The following G3BP1 variants were observed in gnomAD, a reference collection of about 807,000 sequenced individuals.
G3BP1 encodes ras GTPase-activating protein-binding protein 1.
A neutral mutation model predicts 58.6 loss-of-function variants in G3BP1; 35 were observed. The ratio of observed to expected loss-of-function variants is 0.60; its 90% CI spans 0.46 to 0.79. The LOEUF (loss-of-function observed/expected upper bound fraction) is 0.79, where lower values mean the gene tolerates loss of function less well. G3BP1 is among the 30% of genes least tolerant of loss of function. G3BP1 has a pLI of 0.00. For missense variants in G3BP1, 523 were observed against 580.8 expected, an observed-to-expected ratio of 0.90 and a Z score of 1.02; for synonymous variants, 191 against 195.4, an observed-to-expected ratio of 0.98 and a Z score of 0.19.
intron 1 of G3BP1, among the ~76,000 whole-genome samples, chr5:151,783,107 T>A (rs1185547217): frequency 6.6e-6 from 1 of 152,118 alleles, no homozygotes; most frequent in Non-Finnish European, 1.5e-5. Context: ...TCCGCCTGCC[T>A]TGGTGTCCCA....
chr5:151,788,649 C>T (rs762177365), intron 2 of G3BP1, among the ~76,000 whole-genome samples: 2 of 149,314 alleles, frequency 1.3e-5, no homozygotes, highest in Admixed American at 1.3e-4. Context: ...GGTGGAGTCT[C>T]GCTCTGTCAC....
At chr5:151,778,950 G>A (rs1424270104) in intron 1 of G3BP1, among the ~76,000 whole-genome samples, 1 of 151,964 alleles carries the variant, frequency 6.6e-6, no homozygotes, top group African/African-American at 2.4e-5. Context: ...CCAGCTGCTT[G>A]AGAAACTGAG....
chr5:151,794,331 T>G, intron 5 of G3BP1, 82 bp downstream of exon 5: 1 of 761,600 alleles, frequency 1.3e-6, no homozygotes, highest in Non-Finnish European at 2.3e-6. Context: ...ATGGGTTTCT[T>G]TACTGTTTTC....
chr5:151,791,329 G>A, intron 4 of G3BP1: 1 of 270,798 alleles, frequency 3.7e-6, no homozygotes, highest in East Asian at 6.8e-5. Flanking sequence ...TTCAGGAAAT[G>A]TTGATGCAAT....
rs980882857 is a variant in G3BP1, at chr5:151,805,503, A to G, written c.*1412A>G. On this transcript the variant is annotated 3_prime_UTR_variant, in exon 12 of 12. Coordinates refer to ENST00000356245, the MANE Select transcript of G3BP1 (RefSeq NM_005754.3). Reference sequence around the variant, plus strand: ...GAAGGGCAACCAGGTTGTAAAATTCAGCGTATTTATTTTCTTAACAGTATT... The same window carrying G: ...GAAGGGCAACCAGGTTGTAAAATTCGGCGTATTTATTTTCTTAACAGTATT... 10 of 152,250 alleles carry G rather than the reference A, an allele frequency of 6.6e-5. No individual in the cohort carries two copies. Among genetic ancestry groups the G allele is most frequent in the African/African-American group, 2.2e-4 (9 of 41,466 alleles). The allele number at this position is 152,250 out of a possible 1,614,324, so 9.4% of individuals were successfully genotyped here. A position where few individuals can be genotyped will look rare whatever the true frequency, so the allele number is the denominator to read the frequency against.
intron 1 of G3BP1, among the ~76,000 whole-genome samples, chr5:151,774,783 G>A (rs751154240): frequency 7.3e-5 from 11 of 151,718 alleles, no homozygotes; most frequent in Non-Finnish European, 1.2e-4. Context: ...AAAAATCTCT[G>A]GTAGTGCAGT....
Position 151,808,853 on chromosome 5 carries a change from T to G in G3BP1, c.*4762T>G, listed in dbSNP as rs542681520. The G allele has an allele frequency of 3.5e-4, 54 of 152,330 alleles. No individual in the cohort carries two copies. Among genetic ancestry groups the G allele is most frequent in the African/African-American group, 1.3e-3 (54 of 41,582 alleles). The allele number at this position is 152,330 out of a possible 1,614,324, so 9.4% of individuals were successfully genotyped here. ...AAGATTAAATCCTGTTTAACCTGGA[T>G]AGAAACAGTTTTAACTATTGCTGAA... On this transcript the variant is annotated 3_prime_UTR_variant, in exon 12 of 12. Transcript: ENST00000356245.
intron 2 of G3BP1, among the ~76,000 whole-genome samples, chr5:151,788,317 A>G (rs775278870): frequency 6.6e-6 from 1 of 152,072 alleles, no homozygotes; most frequent in Non-Finnish European, 1.5e-5. Flanking sequence ...CATTTTGCAG[A>G]TACACTCAGA....
rs1307623431 is a variant in G3BP1 at position 151,799,968 on chromosome 5, T to C, written c.923T>C (p.Ile308Thr). The C allele has an allele frequency of 1.2e-6, 2 of 1,611,226 alleles. No individual in the cohort carries two copies. Among genetic ancestry groups the C allele is most frequent in the Admixed American group, 3.3e-5 (2 of 59,978 alleles). The change falls in exon 9 of 12, where the codon ATA (isoleucine) becomes ACA (threonine). Residue 308 changes from isoleucine to threonine, a missense_variant. Around this residue, in one of 2 missense-constraint regions of G3BP1, gnomAD observed 398 missense variants for 399.1 expected, o/e 1.00. Transcript: ENST00000356245. Reference sequence around the variant, plus strand: ...GATCAAAGAGTGCGAGAACAACGAATAAATATTCCTCCCCAAAGGGGACCC... The same window carrying C: ...GATCAAAGAGTGCGAGAACAACGAACAAATATTCCTCCCCAAAGGGGACCC... ...QRDQRVREQR[I>T]NIPPQRGPRP...
rs1762981003 is a variant in G3BP1 at position 151,809,357 on chromosome 5, CTT to C, written c.*5270_*5271del. On this transcript the variant is annotated 3_prime_UTR_variant, in exon 12 of 12. Coordinates refer to ENST00000356245, the MANE Select transcript of G3BP1 (RefSeq NM_005754.3). ...TATAAGGGAGTAGGAGATGAGAAAA[CTT>C]TTTGAAAAATCATTTGGTGCATGCT... 6.6e-6 allele frequency: 1 copy of C among 152,034 alleles called. No homozygotes were observed. Among genetic ancestry groups the C allele is most frequent in the African/African-American group, 2.4e-5 (1 of 41,380 alleles). The allele number at this position is 152,034 out of a possible 1,614,324, so 9.4% of individuals were successfully genotyped here.
At chr5:151,777,546 A>G (rs898916384) in intron 1 of G3BP1, among the ~76,000 whole-genome samples, 6 of 152,180 alleles carry the variant, frequency 3.9e-5, no homozygotes, top group African/African-American at 7.2e-5. Flanking sequence ...ATTGAGGTAT[A>G]ATTGACAATA....
chr5:151,792,986 A>T (rs1762685656), intron 4 of G3BP1, among the ~76,000 whole-genome samples: 1 of 152,046 alleles, frequency 6.6e-6, no homozygotes. Flanking sequence ...TTGGATCTGC[A>T]CTCAGGTGTG....
chr5:151,792,667 G>A (rs1160407270), intron 4 of G3BP1, among the ~76,000 whole-genome samples: 1 of 151,132 alleles, frequency 6.6e-6, no homozygotes, highest in Non-Finnish European at 1.5e-5. Flanking sequence ...GCAGTGGTAG[G>A]ATCATGACTT....
intron 1 of G3BP1, among the ~76,000 whole-genome samples, chr5:151,775,491 T>C (rs948827824): frequency 6.6e-6 from 1 of 152,274 alleles, no homozygotes; most frequent in Non-Finnish European, 1.5e-5. Flanking sequence ...TATAGCCAGC[T>C]TATTTCCTTA....
chr5:151,799,840 G>A, intron 8 of G3BP1, 49 bp from the exon 9 acceptor site: 1 of 1,059,604 alleles, frequency 9.4e-7, no homozygotes, highest in Non-Finnish European at 1.4e-6. Context: ...TTAAGAAAAA[G>A]GATAAGCCTG....
chr5:151,788,608 G>GTA (rs1762594159), intron 2 of G3BP1, among the ~76,000 whole-genome samples: 1 of 149,298 alleles, frequency 6.7e-6, no homozygotes, highest in Non-Finnish European at 1.5e-5. Context: ...GTGTGTGTGT[G>GTA]TGTGTATTAT....
In G3BP1 at chr5:151,797,431, A is replaced by G; in HGVS notation, c.741+3A>G. 1 of 1,599,934 alleles carries G rather than the reference A, an allele frequency of 6.3e-7. No homozygotes were observed. Among genetic ancestry groups the G allele is most frequent in the Non-Finnish European group, 8.5e-7 (1 of 1,171,146 alleles). On this transcript the variant is annotated splice_donor_region_variant and intron_variant, in intron 7 of 11. Coordinates refer to ENST00000356245, the MANE Select transcript of G3BP1 (RefSeq NM_005754.3). The stretch of plus-strand genomic sequence containing the variant: ...AGACAGTACAGGAAGACTTGAGGGT[A>G]TGAAACGTGTCTTCATTTTTATTCT...
chr5:151,783,051 G>A (rs947058201), intron 1 of G3BP1, among the ~76,000 whole-genome samples: 10 of 151,732 alleles, frequency 6.6e-5, no homozygotes, highest in Non-Finnish European at 1.2e-4. Context: ...TAGAGGCGGG[G>A]TTTCGCCATG....
At chr5:151,774,148 AC>A (rs2113211332) in intron 1 of G3BP1, among the ~76,000 whole-genome samples, 1 of 152,316 alleles carries the variant, frequency 6.6e-6, no homozygotes, top group South Asian at 2.1e-4. Flanking sequence ...ACCAAGTCAT[AC>A]GTCAGTTTTG....
Sources: gnomAD v4.1 joint callset for allele counts (sites outside exome capture counted in the v4.1 genomes callset) on GRCh38, gnomAD v4.1.1 for gene constraint, gnomAD v4.1.1 regional missense constraint, MANE v1.5 for transcripts, NCBI Gene and HGNC (gene_info 2026-07-23, HGNC 2026-07-21) for gene names.